The following MDN1 variants were observed in gnomAD, a reference collection of about 807,000 sequenced individuals.
The protein encoded by MDN1 is midasin.
In MDN1, 266 loss-of-function variants were observed where a neutral mutation model predicts 669.2. That is an observed-to-expected ratio of 0.40 (90% CI 0.36 to 0.44). MDN1 has a LOEUF of 0.44. Ranked by LOEUF, MDN1 falls within the 20% of genes least tolerant of loss-of-function variation. The pLI, the probability that MDN1 is intolerant of heterozygous loss-of-function variation, is 1.00. For synonymous variants in MDN1, 2,385 were observed against 2,457.1 expected, an observed-to-expected ratio of 0.97 and a Z score of 0.87; for missense variants, 5,940 against 6,754.0, an observed-to-expected ratio of 0.88 and a Z score of 4.22.
chr6:89,794,033 T>A, intron 4 of MDN1, 67 bp downstream of exon 4: 1 of 1,426,672 alleles, frequency 7.0e-7, no homozygotes. Context: ...CTCTGGCCTG[T>A]CACCCCCAGA....
chr6:89,693,685 G>GA (rs1383426377), intron 62 of MDN1, among the ~76,000 whole-genome samples: 3 of 151,868 alleles, frequency 2.0e-5, no homozygotes, highest in Non-Finnish European at 4.4e-5. Flanking sequence ...AAAATCTGAA[G>GA]AAAAAAAACG....
chr6:89,710,505 TA>T (rs149449666), intron 50 of MDN1, among the ~76,000 whole-genome samples, 175 bp downstream of exon 50: 305 of 139,390 alleles, frequency 2.2e-3, no homozygotes, highest in Admixed American at 2.6e-3. Flanking sequence ...CCTGTCCCTT[TA>T]AAAAAAAAAA....
At chr6:89,669,928 G>A (rs536056926) in intron 83 of MDN1, among the ~76,000 whole-genome samples, 1 of 151,584 alleles carries the variant, frequency 6.6e-6, no homozygotes, top group South Asian at 2.1e-4. Context: ...AAACTGGCTG[G>A]GCGCAGTGGC....
chr6:89,718,347 G>T lies in MDN1; in HGVS notation c.6583+19C>A. On this transcript the variant is annotated intron_variant, in intron 43 of 101. Coordinates refer to ENST00000369393, the MANE Select transcript of MDN1 (RefSeq NM_014611.3). ...TAAGCAATGGTAAGTTCCTGATACA[G>T]AGATCCAAATATACATACCTGCCTT... 6.2e-7 allele frequency: 1 copy of T among 1,608,042 alleles called. No individual in the cohort carries two copies. The highest frequency in any genetic ancestry group is 1.1e-5 in the South Asian group (1 of 90,874).
At position 89,712,788 on chromosome 6, in the gene MDN1, T is replaced by C. The variant is rs1562126715; in HGVS notation, c.7219-2A>G. 1 of 1,613,798 alleles carries C rather than the reference T, an allele frequency of 6.2e-7. No homozygotes were observed. The highest frequency in any genetic ancestry group is 8.5e-7 in the Non-Finnish European group (1 of 1,179,738). On this transcript the variant is annotated splice_acceptor_variant, in intron 47 of 101. Coordinates refer to ENST00000369393, the MANE Select transcript of MDN1 (RefSeq NM_014611.3). LOFTEE classifies it high-confidence loss of function. ...TTTCTCCAGTAAAGCCTGTACAAGC[T>C]GGTAGGAGACAAAAACACAATACAG...
rs1768970169 is a variant in MDN1, at chr6:89,818,191, C to T, written c.102+1315G>A. ...AATATTAGCCAGGCATGGTGGCGCA[C>T]GCCTGTAATCCCAGTTACTCGGGAG... On this transcript the variant is annotated intron_variant, in intron 1 of 101. Transcript: ENST00000369393. Among the ~76,000 whole-genome samples the T allele has an allele frequency of 2.6e-5, 4 of 151,626 alleles. No individual in the cohort carries two copies. The South Asian group carries it at 8.3e-4, about 32-fold the overall frequency.
chr6:89,681,994 C>T (rs1378580473), intron 73 of MDN1, among the ~76,000 whole-genome samples: 1 of 152,120 alleles, frequency 6.6e-6, no homozygotes, highest in African/African-American at 2.4e-5. Context: ...CCTGGAGCTC[C>T]CCACACCCAA....
intron 93 of MDN1, 87 bp from the exon 94 acceptor site, chr6:89,653,242 T>C: frequency 7.9e-7 from 1 of 1,268,544 alleles, no homozygotes; most frequent in Non-Finnish European, 1.1e-6. Flanking sequence ...ATCCTGAAAA[T>C]TAATCAAACT....
At position 89,803,479 on chromosome 6, in the gene MDN1, G is replaced by C; in HGVS notation, c.178C>G (p.Leu60Val). 1 of 1,614,076 alleles carries C rather than the reference G, an allele frequency of 6.2e-7. No individual in the cohort carries two copies. Among genetic ancestry groups the C allele is most frequent in the African/African-American group, 1.3e-5 (1 of 75,026 alleles). Reference protein sequence around the residue: ...QLLLDKDCTVLVGRQLRPLLL... With the variant: ...QLLLDKDCTVVVGRQLRPLLL... ...AGAGGGCGAAGCTGGCGACCAACCA[G>C]CACAGTACAGTCCTTATCCAAAAGC... The change falls in exon 2 of 102, where the codon CTG becomes GTG. Residue 60 changes from leucine to valine, a missense_variant. Physicochemically the swap from Leu to Val is conservative, Grantham distance 32. Coordinates refer to ENST00000369393, the MANE Select transcript of MDN1 (RefSeq NM_014611.3).
chr6:89,783,424 C>CGGTCTGTTGTTTAAGATGTTTATCA (rs1818787532), intron 9 of MDN1, among the ~76,000 whole-genome samples: 1 of 152,098 alleles, frequency 6.6e-6, no homozygotes, highest in Admixed American at 6.6e-5. Flanking sequence ...GTGGTCAGAC[C>CGGTCTGTTGTTTAAGATGTTTATCA]GGTCTGTTGT....
At chr6:89,705,791 GTTCA>G (rs1813473197) in intron 53 of MDN1, among the ~76,000 whole-genome samples, 1 of 152,106 alleles carries the variant, frequency 6.6e-6, no homozygotes, top group South Asian at 2.1e-4. Flanking sequence ...TGATGGATAT[GTTCA>G]TTATCTTGAC....
At chr6:89,804,946 G>A (rs984959451) in intron 1 of MDN1, among the ~76,000 whole-genome samples, 32 of 146,270 alleles carry the variant, frequency 2.2e-4, no homozygotes, top group African/African-American at 7.8e-4. Context: ...TGAGGCAGTA[G>A]AATGGTGTGA....
chr6:89,654,012 A>C lies in MDN1; in HGVS notation c.15661+152T>G, dbSNP rs1425972227. 1.3e-5 allele frequency: 13 copies of C among 967,716 alleles called. No individual in the cohort carries two copies. In the East Asian group the frequency reaches 1.4e-4, roughly 10 times the overall value. The allele number at this position is 967,716 out of a possible 1,614,324, so 59.9% of individuals were successfully genotyped here. A position where few individuals can be genotyped will look rare whatever the true frequency, so the allele number is the denominator to read the frequency against. ...TCCATATTTTTGTTTTCTGGTCCCA[A>C]ACAAAATATAGTGAAATTATTATAG... is the stretch of plus-strand genomic sequence containing the variant. On this transcript the variant is annotated intron_variant, in intron 93 of 101. Transcript: ENST00000369393.
At chr6:89,660,808 G>C (rs115135099) in intron 88 of MDN1, among the ~76,000 whole-genome samples, 215 of 152,114 alleles carry the variant, frequency 1.4e-3, no homozygotes, top group African/African-American at 4.9e-3. Flanking sequence ...TTATCAGCGA[G>C]GCCAGCTCAC....
intron 1 of MDN1, chr6:89,815,343 T>G (rs1252878363): frequency 4.2e-6 from 2 of 474,190 alleles, no homozygotes; most frequent in East Asian, 1.2e-4. Context: ...ATGAAGCCAT[T>G]ATGGCGGAAG....
chr6:89,690,919 A>C, intron 63 of MDN1, 85 bp from the exon 64 acceptor site: 1 of 1,447,282 alleles, frequency 6.9e-7, no homozygotes, highest in Non-Finnish European at 9.4e-7. Flanking sequence ...TTTCTCATGA[A>C]AATGAAAGTA....
chr6:89,651,171 G>C (rs1177449356), intron 95 of MDN1, among the ~76,000 whole-genome samples: 1 of 149,340 alleles, frequency 6.7e-6, no homozygotes, highest in East Asian at 2.0e-4. Flanking sequence ...AAAAAATACA[G>C]AAAATTAGCT....
intron 5 of MDN1, 84 bp downstream of exon 5, chr6:89,793,677 TG>T: frequency 8.9e-7 from 1 of 1,120,480 alleles, no homozygotes; most frequent in Non-Finnish European, 1.2e-6. Flanking sequence ...AGCTCACACC[TG>T]GTACATAGAA....
In MDN1 at chr6:89,729,101, G is replaced by A; in HGVS notation, c.5179C>T (p.Leu1727Phe). The change falls in exon 36 of 102, where the codon CTC becomes TTC. Residue 1727 changes from leucine to phenylalanine, a missense_variant. By Grantham distance (22) the Leu-to-Phe change is conservative. Coordinates refer to ENST00000369393, the MANE Select transcript of MDN1 (RefSeq NM_014611.3). ...TTCATAGCAGTGGTCCCTGCACTGA[G>A]TGCATAGTCTGCAATATTATTCCTG... ...LHRNNIADYA[L>F]SAGTTAMNAQ... is the part of the protein sequence containing the mutation. 3.1e-6 allele frequency: 5 copies of A among 1,613,784 alleles called. No individual in the cohort carries two copies. The highest frequency in any genetic ancestry group is 2.2e-5 in the East Asian group (1 of 44,864).
Sources: allele counts gnomAD v4.1 joint callset (sites outside exome capture counted in the v4.1 genomes callset), GRCh38; gene constraint gnomAD v4.1.1; transcripts MANE v1.5; gene names NCBI Gene and HGNC (gene_info 2026-07-23, HGNC 2026-07-21).